The following ASIC2 variants were observed in gnomAD, a reference collection of about 807,000 sequenced individuals.
ASIC2 encodes acid-sensing ion channel 2.
Under a neutral mutation model 57.3 loss-of-function variants are expected in ASIC2, and 25 were observed. That is an observed-to-expected ratio of 0.44 (90% CI 0.32 to 0.61). The LOEUF is 0.61. Among genes scored for constraint, ASIC2 ranks in the 20% least tolerant of loss-of-function variants. The probability of loss-of-function intolerance (pLI) is 0.06; values close to 1 mark genes in which losing one functional copy is unlikely to be tolerated. For synonymous variants in ASIC2, 319 were observed against 307.5 expected (o/e 1.04, Z -0.39); for missense variants, 641 against 738.1 (o/e 0.87, Z 1.52).
chr17:34,131,329 C>T (rs1205951447), intron 1 of ASIC2, among the ~76,000 whole-genome samples: 3 of 152,114 alleles, frequency 2.0e-5, no homozygotes, highest in Non-Finnish European at 4.4e-5. Context: ...GGGGAGGAAT[C>T]AATTAGAAAT....
intron 1 of ASIC2, among the ~76,000 whole-genome samples, chr17:33,338,584 C>T (rs72821105): frequency 0.12 from 18,381 of 152,158 alleles, 1,171 homozygotes; most frequent in Middle Eastern, 0.18. Flanking sequence ...ATGGCTACAG[C>T]GTGCATTCTC....
intron 1 of ASIC2, among the ~76,000 whole-genome samples, chr17:33,361,647 C>A (rs1242325427): frequency 6.6e-6 from 1 of 152,190 alleles, no homozygotes; most frequent in Non-Finnish European, 1.5e-5. Flanking sequence ...ATGATATCCC[C>A]ATTTTATAGT....
At chr17:33,479,987 G>T (rs149947883) in intron 1 of ASIC2, among the ~76,000 whole-genome samples, 3 of 152,114 alleles carry the variant, frequency 2.0e-5, no homozygotes, top group African/African-American at 7.2e-5. Context: ...CATGGTGAAC[G>T]CTTTGCCTTC....
At chr17:34,109,014 CT>C (rs1207334034) in intron 1 of ASIC2, among the ~76,000 whole-genome samples, 2 of 147,378 alleles carry the variant, frequency 1.4e-5, no homozygotes. Context: ...TGTCTATTTT[CT>C]TTTTTTATTT....
intron 1 of ASIC2, among the ~76,000 whole-genome samples, chr17:33,117,053 T>A (rs1187354469): frequency 6.6e-6 from 1 of 151,810 alleles, no homozygotes; most frequent in African/African-American, 2.4e-5. Flanking sequence ...AGGGTTTCAC[T>A]ATGTTGCCCA....
At chr17:33,976,180 T>C (rs1288419149) in intron 1 of ASIC2, among the ~76,000 whole-genome samples, 1 of 151,508 alleles carries the variant, frequency 6.6e-6, no homozygotes, top group East Asian at 2.0e-4. Context: ...CATCTGTAAA[T>C]GGGGTATTAA....
At chr17:33,735,183 C>T (rs1054931143) in intron 1 of ASIC2, among the ~76,000 whole-genome samples, 3 of 152,078 alleles carry the variant, frequency 2.0e-5, no homozygotes, top group African/African-American at 7.2e-5. Flanking sequence ...CTTTCTACTG[C>T]TTGCCTCTGC....
At chr17:33,930,627 A>G (rs979444449) in intron 1 of ASIC2, among the ~76,000 whole-genome samples, 2 of 152,214 alleles carry the variant, frequency 1.3e-5, no homozygotes, top group Non-Finnish European at 2.9e-5. Context: ...AGCCAGGTAA[A>G]AGTGCTGAGA....
At chr17:33,709,633 A>T (rs1463210497) in intron 1 of ASIC2, among the ~76,000 whole-genome samples, 1 of 152,206 alleles carries the variant, frequency 6.6e-6, no homozygotes, top group South Asian at 2.1e-4. Flanking sequence ...AGCAGCTAGA[A>T]CTGACTAGGA....
At chr17:33,268,517 C>T (rs980324064) in intron 1 of ASIC2, among the ~76,000 whole-genome samples, 1 of 152,040 alleles carries the variant, frequency 6.6e-6, no homozygotes, top group Non-Finnish European at 1.5e-5. Flanking sequence ...ACTTCAAAAG[C>T]CAGGATTTGG....
In ASIC2 at chr17:33,292,009, C is replaced by T. The variant is rs1872883454; in HGVS notation, c.107G>A (p.Gly36Glu). The T allele has an allele frequency of 2.5e-6, 3 of 1,220,534 alleles. No individual in the cohort carries two copies. The highest frequency in any genetic ancestry group is 3.0e-6 in the Non-Finnish European group (3 of 985,672). The allele number at this position is 1,220,534 out of a possible 1,614,324, so 75.6% of individuals were successfully genotyped here. ...EPAPAALAAAGQPGGGRGGER... is the reference protein window; with the variant it reads ...EPAPAALAAAEQPGGGRGGER... ...GCCGCCTCTGCCGCCCCCGGGCTGCCCGGCAGCCGCCAACGCCGCGGGCGC... is the reference window on the plus strand; with the variant it reads ...GCCGCCTCTGCCGCCCCCGGGCTGCTCGGCAGCCGCCAACGCCGCGGGCGC... Residue 36 changes from glycine (G) to glutamate (E), a missense_variant, in exon 1 of 10, where the codon GGG becomes GAG. By Grantham distance (98) the Gly-to-Glu change is moderately conservative. Transcript: ENST00000225823.
chr17:33,291,872 A>T lies in ASIC2; in HGVS notation c.244T>A (p.Ser82Thr). The T allele has an allele frequency of 6.2e-7, 1 of 1,607,684 alleles. No homozygotes were observed. The highest frequency in any genetic ancestry group is 2.2e-5 in the East Asian group (1 of 44,760). Residue 82 changes from serine to threonine, a missense_variant, in exon 1 of 10, where the codon TCC (serine) becomes ACC (threonine). By Grantham distance (58) the Ser-to-Thr change is moderately conservative. Transcript: ENST00000225823. ...ACCCACAGCGCCCGCCGCTGGAAGG[A>T]GCCCCCAGCCGCCGTGCGCCCGGCA... ...MCAGRTAAGG[S>T]FQRRALWVLA...
chr17:33,523,553 C>T (rs755723005), intron 1 of ASIC2, among the ~76,000 whole-genome samples: 15 of 152,242 alleles, frequency 9.9e-5, no homozygotes, highest in South Asian at 4.2e-4. Context: ...CCACTGTGCC[C>T]GGCTAGGATC....
At chr17:33,949,509 G>T (rs535226326) in intron 1 of ASIC2, among the ~76,000 whole-genome samples, 1 of 152,092 alleles carries the variant, frequency 6.6e-6, no homozygotes, top group South Asian at 2.1e-4. Context: ...TAAAGGTACC[G>T]CATACCTTTT....
rs556228855 is a variant in ASIC2, at chr17:33,545,499, A to C, written c.556-433432T>G. Among the ~76,000 whole-genome samples the C allele has an allele frequency of 2.6e-5, 4 of 152,234 alleles. No homozygotes were observed. The South Asian group carries it at 6.2e-4, about 24-fold the overall frequency. On this transcript the variant is annotated intron_variant, in intron 1 of 9. Coordinates refer to the ASIC2 transcript ENST00000359872. ...GATTTCTACTGTGCTCTATTTTTCA[A>C]TATCCCCCAAATTCCCATAATAGAC...
At chr17:33,291,387 T>C (rs1177368131) in intron 1 of ASIC2, 21 bp downstream of exon 1, 2 of 1,579,610 alleles carry the variant, frequency 1.3e-6, no homozygotes, top group Non-Finnish European at 1.7e-6. Context: ...AGGGAGCGGG[T>C]TCGCGCGGAG....
At chr17:34,061,038 C>G (rs547551537) in intron 1 of ASIC2, among the ~76,000 whole-genome samples, 1 of 152,290 alleles carries the variant, frequency 6.6e-6, no homozygotes, top group African/African-American at 2.4e-5. Flanking sequence ...CGCCTAGGCA[C>G]ATTGTCATTA....
At chr17:33,042,208 G>A (rs929822323) in intron 3 of ASIC2, among the ~76,000 whole-genome samples, 2 of 152,168 alleles carry the variant, frequency 1.3e-5, no homozygotes, top group African/African-American at 4.8e-5. Context: ...GGTCTCAGGG[G>A]AGACATGTCC....
intron 1 of ASIC2, among the ~76,000 whole-genome samples, chr17:33,696,689 C>T (rs1326362226): frequency 6.6e-6 from 1 of 152,204 alleles, no homozygotes; most frequent in African/African-American, 2.4e-5. Flanking sequence ...CCAAATTTAA[C>T]TAACAGCCTA....
Sources: allele counts gnomAD v4.1 joint callset (sites outside exome capture counted in the v4.1 genomes callset), GRCh38; gene constraint gnomAD v4.1.1; transcripts MANE v1.5; gene names NCBI Gene and HGNC (gene_info 2026-07-23, HGNC 2026-07-21).